Variants in RCAN2 observed in about 807,000 individuals in gnomAD.
RCAN2 encodes the protein calcipressin-2.
Under a neutral mutation model 23.6 loss-of-function variants are expected in RCAN2, and 9 were observed. The ratio of observed to expected loss-of-function variants is 0.38; its 90% confidence interval spans 0.23 to 0.67. The LOEUF (loss-of-function observed/expected upper bound fraction) is 0.67. Among genes scored for constraint, RCAN2 ranks in the 30% least tolerant of loss-of-function variants. RCAN2 has a pLI of 0.51. For synonymous variants in RCAN2, 109 were observed against 115.7 expected, an observed-to-expected ratio of 0.94 and a Z score of 0.37; for missense variants, 273 against 302.3, an observed-to-expected ratio of 0.90 and a Z score of 0.72.
chr6:46,415,131 C>T (rs905943007), intron 2 of RCAN2, among the ~76,000 whole-genome samples: 7 of 152,126 alleles, frequency 4.6e-5, no homozygotes, highest in African/African-American at 1.2e-4. Context: ...ATAACCATGG[C>T]TACCATTAGG....
intron 2 of RCAN2, among the ~76,000 whole-genome samples, chr6:46,427,861 T>C (rs1767078308): frequency 6.6e-6 from 1 of 152,262 alleles, no homozygotes. Context: ...TCTCCCTTGA[T>C]GAGAGCCTTG....
At chr6:46,333,743 C>G (rs1464863321) in intron 2 of RCAN2, among the ~76,000 whole-genome samples, 1 of 152,206 alleles carries the variant, frequency 6.6e-6, no homozygotes, top group Non-Finnish European at 1.5e-5. Context: ...TTGCATTTCT[C>G]TTTCTGTAGG....
chr6:46,252,047 C>A (rs529529788), intron 2 of RCAN2, among the ~76,000 whole-genome samples: 1 of 152,032 alleles, frequency 6.6e-6, no homozygotes, highest in African/African-American at 2.4e-5. Flanking sequence ...CCTTTTGGGA[C>A]CTTTATTTGT....
chr6:46,338,949 A>AGGTTGT (rs1554134395), intron 2 of RCAN2, among the ~76,000 whole-genome samples: 56 of 141,768 alleles, frequency 4.0e-4, no homozygotes, highest in Non-Finnish European at 7.1e-4. Flanking sequence ...CAGGAGGTGG[A>AGGTTGT]GGTTGCAGTG....
intron 2 of RCAN2, among the ~76,000 whole-genome samples, chr6:46,446,815 C>T (rs1272764161): frequency 2.0e-5 from 3 of 151,958 alleles, no homozygotes; most frequent in Non-Finnish European, 2.9e-5. Flanking sequence ...TGATACAAAG[C>T]AAAACACTTT....
chr6:46,229,154 G>A (rs2150306087), intron 4 of RCAN2, among the ~76,000 whole-genome samples: 1 of 152,270 alleles, frequency 6.6e-6, no homozygotes, highest in East Asian at 1.9e-4. Context: ...TAGTCTGGTG[G>A]GCTTTCCTTT....
Position 46,455,781 on chromosome 6 carries a change from A to G in RCAN2, c.225+971T>C, listed in dbSNP as rs561101724. On this transcript the variant is annotated intron_variant, in intron 2 of 4. Transcript: ENST00000371374. ...TGAAGCAGGAGAATGGCGTGAACCC[A>G]AGGAGGTGGAGCTGGCAGTGAGCCG... 2.0e-5 allele frequency among the ~76,000 whole-genome samples: 3 copies of G among 151,406 alleles called. No homozygotes were observed. In the South Asian group the frequency reaches 6.3e-4, roughly 32 times the overall value.
chr6:46,462,198 T>A (rs2150436106), intron 1 of RCAN2, among the ~76,000 whole-genome samples: 1 of 152,300 alleles, frequency 6.6e-6, no homozygotes, highest in East Asian at 1.9e-4. Flanking sequence ...ATATTTGGTA[T>A]GAGTTTGGGT....
intron 2 of RCAN2, among the ~76,000 whole-genome samples, chr6:46,444,608 C>G (rs1240001097): frequency 6.6e-6 from 1 of 152,090 alleles, no homozygotes; most frequent in African/African-American, 2.4e-5. Flanking sequence ...CATCAGTTAC[C>G]AGGCTAGCAC....
At chr6:46,248,627 A>G (rs1766602872) in intron 3 of RCAN2, 96 bp downstream of exon 3, 1 of 1,015,196 alleles carries the variant, frequency 9.9e-7, no homozygotes, top group African/African-American at 1.6e-5. Context: ...ATAGACTACC[A>G]ACCAATCTGA....
chr6:46,447,759 A>G (rs1767755848), intron 2 of RCAN2, among the ~76,000 whole-genome samples: 1 of 151,918 alleles, frequency 6.6e-6, no homozygotes, highest in Non-Finnish European at 1.5e-5. Flanking sequence ...TAATGGGTCA[A>G]AGAAGAATTT....
chr6:46,348,914 G>A (rs1270120448), intron 2 of RCAN2, among the ~76,000 whole-genome samples: 1 of 151,964 alleles, frequency 6.6e-6, no homozygotes, highest in African/African-American at 2.4e-5. Context: ...AGATAATAGA[G>A]GACTCTTTAT....
chr6:46,419,444 T>A (rs1766808170), intron 2 of RCAN2, among the ~76,000 whole-genome samples: 1 of 152,150 alleles, frequency 6.6e-6, no homozygotes, highest in South Asian at 2.1e-4. Context: ...GGAGCTTGCT[T>A]CACTTCAAAA....
intron 2 of RCAN2, among the ~76,000 whole-genome samples, chr6:46,306,182 C>T (rs910311558): frequency 6.6e-6 from 1 of 152,058 alleles, no homozygotes; most frequent in Non-Finnish European, 1.5e-5. Flanking sequence ...CTGTATGGCT[C>T]CAAGACTGGC....
chr6:46,265,057 C>A (rs1018563481), intron 2 of RCAN2, among the ~76,000 whole-genome samples: 1 of 152,054 alleles, frequency 6.6e-6, no homozygotes, highest in Non-Finnish European at 1.5e-5. Context: ...TGCATCTCAC[C>A]CAGTGGGATG....
intron 2 of RCAN2, among the ~76,000 whole-genome samples, chr6:46,303,865 A>T (rs1032510555): frequency 2.6e-5 from 4 of 152,078 alleles, no homozygotes; most frequent in Non-Finnish European, 4.4e-5. Flanking sequence ...TGGTATGGAC[A>T]TTTGGATCTT....
At chr6:46,385,175 A>C (rs1164301572) in intron 2 of RCAN2, among the ~76,000 whole-genome samples, 1 of 152,206 alleles carries the variant, frequency 6.6e-6, no homozygotes, top group Non-Finnish European at 1.5e-5. Context: ...CTTTGCTTCA[A>C]ACCATTTTAA....
At chr6:46,429,370 T>C (rs1276290152) in intron 2 of RCAN2, among the ~76,000 whole-genome samples, 1 of 152,200 alleles carries the variant, frequency 6.6e-6, no homozygotes, top group Non-Finnish European at 1.5e-5. Flanking sequence ...GATAGATCTA[T>C]GTGAATATCA....
chr6:46,347,153 G>A (rs1764513186), intron 2 of RCAN2, among the ~76,000 whole-genome samples: 1 of 152,194 alleles, frequency 6.6e-6, no homozygotes, highest in Admixed American at 6.5e-5. Flanking sequence ...GGGATTACAG[G>A]CATGATCCAC....
Sources: gnomAD v4.1 joint callset for allele counts (sites outside exome capture counted in the v4.1 genomes callset) on GRCh38, gnomAD v4.1.1 for gene constraint, MANE v1.5 for transcripts, NCBI Gene and HGNC (gene_info 2026-07-23, HGNC 2026-07-21) for gene names.